ZNF230: variants seen among roughly 807,000 people sequenced by gnomAD.
ZNF230 encodes zinc finger protein FDZF2.
In ZNF230, 12 loss-of-function variants were observed where a neutral mutation model predicts 10.0. That is an observed-to-expected ratio of 1.20 (90% CI 0.77 to 1.95). The LOEUF (loss-of-function observed/expected upper bound fraction) is 1.95, where lower values mean the gene tolerates loss of function less well. ZNF230 is among the 30% of genes most tolerant of loss of function. The pLI is 0.00. For missense variants in ZNF230, 532 were observed against 565.8 expected (o/e 0.94, Z 0.61); for synonymous variants, 174 against 193.6 (o/e 0.90, Z 0.84).
chr19:44,009,153 A>G lies in ZNF230; in HGVS notation c.212A>G (p.Gln71Arg), dbSNP rs1365988351. The G allele has an allele frequency of 6.2e-7, 1 of 1,614,220 alleles. No homozygotes were observed. The highest frequency in any genetic ancestry group is 8.5e-7 in the Non-Finnish European group (1 of 1,180,028). The change falls in exon 4 of 5, where the codon CAA becomes CGA. Residue 71 changes from glutamine to arginine, a missense_variant. Gln to Arg is a conservative substitution (Grantham distance 43, BLOSUM62 1). Coordinates refer to ENST00000429154, the MANE Select transcript of ZNF230 (RefSeq NM_006300.4). ...EKFWMMETATQREGNSGGKTI... is the reference protein window; with the variant it reads ...EKFWMMETATRREGNSGGKTI... ...TTTTGGATGATGGAGACAGCAACCC[A>G]AAGAGAAGGAAATTCAGGTAAGAAG...
intron 2 of ZNF230, among the ~76,000 whole-genome samples, chr19:44,007,433 T>G (rs935270181): frequency 6.6e-6 from 1 of 152,210 alleles, no homozygotes; most frequent in African/African-American, 2.4e-5. Flanking sequence ...GAGTTCCTTA[T>G]GTCAAGAGTG....
Position 44,008,808 on chromosome 19 carries a change from G to A in ZNF230, c.34G>A (p.Asp12Asn), listed in dbSNP as rs1197614588. ...GTTATAGGAGGCAGTGACCTTCAAG[G>A]ATGTGGCTGTGTTCTTCACTGAGGA... ...TTFKEAVTFK[D>N]VAVFFTEEEL... The change falls in exon 3 of 5, where the codon GAT (aspartate) becomes AAT (asparagine). Residue 12 changes from aspartate to asparagine, a missense_variant. Coordinates refer to ENST00000429154, the MANE Select transcript of ZNF230 (RefSeq NM_006300.4). 1.2e-6 allele frequency: 2 copies of A among 1,613,984 alleles called. No homozygotes were observed. Among genetic ancestry groups the A allele is most frequent in the East Asian group, 4.5e-5 (2 of 44,882 alleles).
chr19:44,011,053 T>C lies in ZNF230; in HGVS notation c.1014T>C (p.Cys338=). 6.2e-7 allele frequency: 1 copy of C among 1,614,236 alleles called. No individual in the cohort carries two copies. The highest frequency in any genetic ancestry group is 8.5e-7 in the Non-Finnish European group (1 of 1,180,036). Residue 338 remains cysteine (C), a synonymous_variant, in exon 5 of 5, where the codon TGT becomes TGC. Coordinates refer to ENST00000429154, the MANE Select transcript of ZNF230 (RefSeq NM_006300.4). ...ACACAGGACAGAAACCGTACAATTG[T>C]AAAGAATGTGGGAAGAGCTTCAGAT... ...IIHTGQKPYN[C]KECGKSFRWS...
At position 44,008,793 on chromosome 19, in the gene ZNF230, G is replaced by T. The variant is rs771643121; in HGVS notation, c.19G>T (p.Ala7Ser). MTTFKE[A>S]VTFKDVAVFF... Reference sequence around the variant, plus strand: ...TTATGTATCCTTGATGTTATAGGAGGCAGTGACCTTCAAGGATGTGGCTGT... The same window carrying T: ...TTATGTATCCTTGATGTTATAGGAGTCAGTGACCTTCAAGGATGTGGCTGT... Residue 7 changes from alanine to serine, a missense_variant, in exon 3 of 5, where the codon GCA becomes TCA. By Grantham distance (99) the Ala-to-Ser change is moderately conservative. Transcript: ENST00000429154. 6.2e-7 allele frequency: 1 copy of T among 1,613,700 alleles called. No homozygotes were observed. The highest frequency in any genetic ancestry group is 1.1e-5 in the South Asian group (1 of 91,074).
At chr19:44,010,154 G>A (rs553484946) in intron 4 of ZNF230, 115 bp from the exon 5 acceptor site, 2 of 1,012,208 alleles carry the variant, frequency 2.0e-6, no homozygotes, top group Admixed American at 6.1e-5. Context: ...GATTCATGGG[G>A]AAAACATAAA....
At chr19:44,004,273 A>G (rs576137414) in intron 1 of ZNF230, 2 of 152,376 alleles carry the variant, frequency 1.3e-5, no homozygotes, top group African/African-American at 4.8e-5. Context: ...CATGTATCCA[A>G]GATGTAAAGG....
At position 44,009,187 on chromosome 19, in the gene ZNF230, T is replaced by C. The variant is rs374886659; in HGVS notation, c.229+17T>C. On this transcript the variant is annotated intron_variant, in intron 4 of 4. Coordinates refer to ENST00000429154, the MANE Select transcript of ZNF230 (RefSeq NM_006300.4). Reference sequence around the variant, plus strand: ...GAAATTCAGGTAAGAAGCAAGCAACTGTGTGTCCTTGTACATGACTTTCTT... The same window carrying C: ...GAAATTCAGGTAAGAAGCAAGCAACCGTGTGTCCTTGTACATGACTTTCTT... 94 of 1,611,532 alleles carry C rather than the reference T, an allele frequency of 5.8e-5. 1 individual carries two copies. The Middle Eastern group carries it at 8.2e-4, about 14-fold the overall frequency.
At chr19:44,003,381 G>A (rs1045621708) in intron 1 of ZNF230, 7 of 152,158 alleles carry the variant, frequency 4.6e-5, no homozygotes, top group African/African-American at 1.4e-4. Context: ...TAGTAGAATC[G>A]TTTTTGGGAA....
Position 44,008,703 on chromosome 19 carries a change from C to T in ZNF230, c.16-87C>T, listed in dbSNP as rs558247531. ...AGTGGGAAATCTATAAGTTGACCTC[C>T]ACTTCTCCTCTCCGCCTGCTCAATG... is the stretch of plus-strand genomic sequence containing the variant. On this transcript the variant is annotated intron_variant, in intron 2 of 4. Coordinates refer to ENST00000429154, the MANE Select transcript of ZNF230 (RefSeq NM_006300.4). The T allele has an allele frequency of 1.0e-5, 15 of 1,490,788 alleles. No homozygotes were observed. In the East Asian group the frequency reaches 3.4e-4, roughly 34 times the overall value. The allele number at this position is 1,490,788 out of a possible 1,614,324, so 92.3% of individuals were successfully genotyped here. A position where few individuals can be genotyped will look rare whatever the true frequency, so the allele number is the denominator to read the frequency against.
In ZNF230 at chr19:44,007,640, A is replaced by C. The variant is rs577020337; in HGVS notation, c.15+547A>C. On this transcript the variant is annotated intron_variant, in intron 2 of 4. Coordinates refer to ENST00000429154, the MANE Select transcript of ZNF230 (RefSeq NM_006300.4). ...AATGAGCTATTATTTAAGGTGTCGC[A>C]ATCAGCGGATCACACACCAAGCTCC... Among the ~76,000 whole-genome samples, 5 of 152,296 alleles carry C rather than the reference A, an allele frequency of 3.3e-5. No individual in the cohort carries two copies. In the South Asian group the frequency reaches 6.2e-4, roughly 19 times the overall value.
chr19:44,009,243 C>T, intron 4 of ZNF230, 73 bp downstream of exon 4: 1 of 1,491,150 alleles, frequency 6.7e-7, no homozygotes, highest in South Asian at 1.2e-5. Flanking sequence ...ACCATGCCCA[C>T]TTATATCACC....
At chr19:44,003,151 A>G (rs73554153) in intron 1 of ZNF230, 44 bp downstream of exon 1, 7,336 of 151,962 alleles carry the variant, frequency 0.048, 530 homozygotes, top group African/African-American at 0.16. Flanking sequence ...CGTCCACGGA[A>G]GCTTTCTGGG....
intron 3 of ZNF230, 56 bp downstream of exon 3, chr19:44,008,972 C>G: frequency 6.2e-7 from 1 of 1,606,480 alleles, no homozygotes; most frequent in Non-Finnish European, 8.5e-7. Flanking sequence ...GGCTTTGTAT[C>G]CTAGAGTATT....
intron 4 of ZNF230, among the ~76,000 whole-genome samples, chr19:44,009,869 G>T (rs1033962048): frequency 1.3e-5 from 2 of 152,096 alleles, no homozygotes; most frequent in African/African-American, 4.8e-5. Flanking sequence ...TCTATATAAG[G>T]ATATACAACA....
rs11883068 is a variant in ZNF230 at position 44,012,812 on chromosome 19, C to T, written c.*1348C>T. On this transcript the variant is annotated 3_prime_UTR_variant, in exon 5 of 5. Transcript: ENST00000429154. ...GACACGAGTTAAAATGCAGAATACA[C>T]TCAGTTCTGCAATCCAAAGCATTAT... 0.18 allele frequency: 36,976 copies of T among 201,768 alleles called. 3,644 individuals carry two copies. Among genetic ancestry groups the T allele is most frequent in the Admixed American group, 0.26 (4,364 of 16,774 alleles). The allele number at this position is 201,768 out of a possible 1,614,324, so 12.5% of individuals were successfully genotyped here. A position where few individuals can be genotyped will look rare whatever the true frequency, so the allele number is the denominator to read the frequency against.
At chr19:44,005,475 G>C (rs1976114198) in intron 1 of ZNF230, among the ~76,000 whole-genome samples, 1 of 152,154 alleles carries the variant, frequency 6.6e-6, no homozygotes, top group Admixed American at 6.5e-5. Flanking sequence ...TTACATATCA[G>C]ATCTGTTAAA....
Position 44,011,224 on chromosome 19 carries a change from G to C in ZNF230, c.1185G>C (p.Lys395Asn). The stretch of plus-strand genomic sequence containing the variant: ...CTGGAGAGAGACCTTATAATTGTAA[G>C]GAATGTGGGAAGAGCTTTAGCCGGG... ...VHTGERPYNCKECGKSFSRAS... is the reference protein window; with the variant it reads ...VHTGERPYNCNECGKSFSRAS... Residue 395 changes from lysine (K) to asparagine (N), a missense_variant, in exon 5 of 5, where the codon AAG becomes AAC. Lys to Asn is a moderately conservative substitution (Grantham distance 94). Coordinates refer to ENST00000429154, the MANE Select transcript of ZNF230 (RefSeq NM_006300.4). 1.2e-6 allele frequency: 2 copies of C among 1,613,972 alleles called. No homozygotes were observed. The highest frequency in any genetic ancestry group is 1.7e-6 in the Non-Finnish European group (2 of 1,179,952).
At chr19:44,008,137 C>T (rs1976139429) in intron 2 of ZNF230, among the ~76,000 whole-genome samples, 1 of 152,182 alleles carries the variant, frequency 6.6e-6, no homozygotes, top group Admixed American at 6.5e-5. Context: ...CAGCCTGTCC[C>T]AGGCTATATG....
chr19:44,005,621 G>A (rs1976115440), intron 1 of ZNF230, among the ~76,000 whole-genome samples: 1 of 152,148 alleles, frequency 6.6e-6, no homozygotes, highest in Non-Finnish European at 1.5e-5. Flanking sequence ...AGGCACAGTG[G>A]CTCATGCCTG....
Sources: allele counts gnomAD v4.1 joint callset (sites outside exome capture counted in the v4.1 genomes callset), GRCh38; gene constraint gnomAD v4.1.1; transcripts MANE v1.5; gene names NCBI Gene and HGNC (gene_info 2026-07-23, HGNC 2026-07-21).